Variants in PLCG2 observed in about 807,000 individuals in gnomAD.
PLCG2 encodes the protein 1-phosphatidylinositol 4,5-bisphosphate phosphodiesterase gamma-2.
In PLCG2, 69 loss-of-function variants were observed where a neutral mutation model predicts 175.6. That is an observed-to-expected ratio of 0.39 (90% CI 0.32 to 0.48). PLCG2 has a LOEUF of 0.48. Ranked by LOEUF, PLCG2 falls within the 20% of genes least tolerant of loss-of-function variation. The pLI is 0.91. For missense variants in PLCG2, 1,798 were observed against 1,650.9 expected, an observed-to-expected ratio of 1.09 and a Z score of -1.54; for synonymous variants, 827 against 624.0, an observed-to-expected ratio of 1.33 and a Z score of -4.85.
At position 81,919,538 on chromosome 16, in the gene PLCG2, G is replaced by C. The variant is rs1909977229; in HGVS notation, c.2109G>C (p.Val703=). The C allele has an allele frequency of 1.2e-6, 2 of 1,614,194 alleles. No homozygotes were observed. Among genetic ancestry groups the C allele is most frequent in the Non-Finnish European group, 1.7e-6 (2 of 1,180,034 alleles). Residue 703 remains valine, a synonymous_variant, in exon 20 of 33, where the codon GTG becomes GTC. Transcript: ENST00000564138. ...TCAACCGGGACGGCCGGCACTTTGT[G>C]CTGGGGACCTCCGCCTATTTTGAGA... is the stretch of plus-strand genomic sequence containing the variant. ...CRINRDGRHF[V]LGTSAYFESL...
At chr16:81,887,834 G>A (rs1420329631) in intron 9 of PLCG2, among the ~76,000 whole-genome samples, 1 of 152,206 alleles carries the variant, frequency 6.6e-6, no homozygotes, top group African/African-American at 2.4e-5. Context: ...TTCAGGGCAT[G>A]GAGAGGAAAG....
chr16:81,816,112 G>A (rs902631752), intron 2 of PLCG2, among the ~76,000 whole-genome samples: 11 of 142,230 alleles, frequency 7.7e-5, no homozygotes, highest in African/African-American at 2.1e-4. Context: ...GGCTTATGCC[G>A]GTAATCCCAG....
rs769292122 is a variant in PLCG2 at position 81,768,552 on chromosome 16, GTTTTTTTTTTTTT to G, written c.-48+12601_-48+12613del. The stretch of plus-strand genomic sequence containing the variant: ...TCACCAGCACTCGGTGTTATCCTCA[GTTTTTTTTTTTTT>G]TTTTTTTTTTTTTTCCCGAGATGGA... On this transcript the variant is annotated intron_variant, in intron 2 of 5. Transcript: ENST00000565054. 1.1e-4 allele frequency among the ~76,000 whole-genome samples: 12 copies of G among 105,420 alleles called. 1 individual carries two copies. Among genetic ancestry groups the G allele is most frequent in the African/African-American group, 2.8e-4 (7 of 24,626 alleles). 69.2% of individuals were successfully genotyped at this position (105,420 alleles called of 152,430 possible). A position where few individuals can be genotyped will look rare whatever the true frequency, so the allele number is the denominator to read the frequency against.
intron 2 of PLCG2, among the ~76,000 whole-genome samples, chr16:81,827,643 T>A (rs72832045): frequency 0.075 from 11,335 of 151,850 alleles, 875 homozygotes; most frequent in African/African-American, 0.2. Flanking sequence ...ACTGGGAAAG[T>A]TCTAAGGGTG....
intron 7 of PLCG2, among the ~76,000 whole-genome samples, chr16:81,878,482 T>G (rs1161539084): frequency 6.6e-6 from 1 of 152,164 alleles, no homozygotes; most frequent in Non-Finnish European, 1.5e-5. Flanking sequence ...ACTTTTTCTA[T>G]CTTTAGAACG....
intron 2 of PLCG2, among the ~76,000 whole-genome samples, chr16:81,794,257 C>A (rs1911365904): frequency 6.6e-6 from 1 of 152,130 alleles, no homozygotes; most frequent in Admixed American, 6.5e-5. Context: ...GAAATCCACT[C>A]TTGGACTTCT....
chr16:81,884,038 C>T (rs527259364), intron 9 of PLCG2, among the ~76,000 whole-genome samples: 3 of 152,136 alleles, frequency 2.0e-5, no homozygotes, highest in Admixed American at 2.0e-4. Flanking sequence ...ACAGGGCAGC[C>T]CCCCCTACCC....
At chr16:81,814,740 A>T (rs1904464303) in intron 2 of PLCG2, among the ~76,000 whole-genome samples, 1 of 151,846 alleles carries the variant, frequency 6.6e-6, no homozygotes, top group South Asian at 2.1e-4. Context: ...GCACAGGCAG[A>T]ATGGAGAGCA....
upstream of PLCG2, among the ~76,000 whole-genome samples, chr16:81,774,405 TA>T (rs1910352710): frequency 6.6e-6 from 1 of 152,040 alleles, no homozygotes; most frequent in African/African-American, 2.4e-5. Flanking sequence ...ACAATTTAAA[TA>T]GCAGAGGGGT....
In PLCG2 at chr16:81,891,600, A is replaced by T; in HGVS notation, c.986+10A>T. On this transcript the variant is annotated intron_variant, in intron 11 of 32. Transcript: ENST00000564138. The stretch of plus-strand genomic sequence containing the variant: ...CCTCGTCACATAACACGTGAGTTTC[A>T]GATGAGCCTGTGATGGGTTGGGCAG... The T allele has an allele frequency of 6.8e-7, 1 of 1,475,434 alleles. No individual in the cohort carries two copies. The highest frequency in any genetic ancestry group is 9.5e-7 in the Non-Finnish European group (1 of 1,054,244). The allele number at this position is 1,475,434 out of a possible 1,614,324, so 91.4% of individuals were successfully genotyped here.
At position 81,956,793 on chromosome 16, in the gene PLCG2, G is replaced by C. The variant is rs1320002846; in HGVS notation, c.3669G>C (p.Leu1223Phe). ...QLFLYDTHQN[L>F]RNANRDALVK... is the part of the protein sequence containing the mutation. ...TTCTGTATGACACACACCAGAACTT[G>C]CGCAATGCCAACCGGGATGCCCTGG... The change falls in exon 32 of 33, where the codon TTG becomes TTC. Residue 1223 changes from leucine to phenylalanine, a missense_variant. Transcript: ENST00000564138. 1 of 1,614,180 alleles carries C rather than the reference G, an allele frequency of 6.2e-7. No individual in the cohort carries two copies. The highest frequency in any genetic ancestry group is 8.5e-7 in the Non-Finnish European group (1 of 1,180,020).
chr16:81,923,224 C>CT (rs1910128002), intron 21 of PLCG2, among the ~76,000 whole-genome samples: 1 of 133,784 alleles, frequency 7.5e-6, no homozygotes, highest in East Asian at 2.1e-4. Flanking sequence ...TAGCCCCAAA[C>CT]CCTAACTCCT....
At chr16:81,788,857 C>T (rs1911100586) in intron 2 of PLCG2, among the ~76,000 whole-genome samples, 1 of 152,182 alleles carries the variant, frequency 6.6e-6, no homozygotes, top group Non-Finnish European at 1.5e-5. Context: ...CCCAGGTGGC[C>T]CAGAAACCTG....
chr16:81,867,642 G>C (rs991533690), intron 5 of PLCG2, among the ~76,000 whole-genome samples: 2 of 151,890 alleles, frequency 1.3e-5, no homozygotes, highest in South Asian at 4.2e-4. Flanking sequence ...TGTTACTATT[G>C]TTACTGCTGC....
intron 2 of PLCG2, among the ~76,000 whole-genome samples, chr16:81,852,776 C>G (rs182830121): frequency 6.6e-6 from 1 of 152,290 alleles, no homozygotes; most frequent in East Asian, 1.9e-4. Flanking sequence ...ACTGGGAGAG[C>G]TTGTCTGTGT....
intron 1 of PLCG2, among the ~76,000 whole-genome samples, chr16:81,784,005 C>G (rs1910860125): frequency 6.6e-6 from 1 of 152,158 alleles, no homozygotes; most frequent in African/African-American, 2.4e-5. Context: ...TTTAGGATTC[C>G]TTCTTGCTGC....
At chr16:81,826,296 C>T (rs1423368428) in intron 2 of PLCG2, among the ~76,000 whole-genome samples, 1 of 152,162 alleles carries the variant, frequency 6.6e-6, no homozygotes, top group East Asian at 1.9e-4. Flanking sequence ...GCTCCAGGAT[C>T]CTAGGCTCAG....
upstream of PLCG2, among the ~76,000 whole-genome samples, chr16:81,778,319 A>G (rs1436018520): frequency 6.6e-6 from 1 of 151,794 alleles, no homozygotes; most frequent in East Asian, 1.9e-4. Flanking sequence ...GTGGTGAGCT[A>G]TGATGGCACC....
chr16:81,907,255 A>C (rs1254645406), intron 15 of PLCG2, among the ~76,000 whole-genome samples: 1 of 152,094 alleles, frequency 6.6e-6, no homozygotes, highest in Admixed American at 6.5e-5. Context: ...AAAGCTAAGA[A>C]CTTAACCCTG....
Sources: allele counts gnomAD v4.1 joint callset (sites outside exome capture counted in the v4.1 genomes callset), GRCh38; gene constraint gnomAD v4.1.1; transcripts MANE v1.5; gene names NCBI Gene and HGNC (gene_info 2026-07-23, HGNC 2026-07-21).